The following DNAJC24 variants were observed in gnomAD, a reference collection of about 807,000 sequenced individuals.
DNAJC24 encodes the protein DnaJ heat shock protein family (Hsp40) member C24, also known as dnaJ homolog subfamily C member 24.
A neutral mutation model predicts 18.0 loss-of-function variants in DNAJC24; 17 were observed. That is an observed-to-expected ratio of 0.94 (90% CI 0.65 to 1.42). The LOEUF (loss-of-function observed/expected upper bound fraction) is 1.42. DNAJC24 is among the 40% of genes most tolerant of loss of function. The pLI is 0.00. For missense variants in DNAJC24, 158 were observed against 175.6 expected (o/e 0.90, Z 0.57); for synonymous variants, 55 against 57.7 (o/e 0.95, Z 0.21).
chr11:31,393,619 G>A (rs1362572061), intron 2 of DNAJC24, among the ~76,000 whole-genome samples: 1 of 152,104 alleles, frequency 6.6e-6, no homozygotes. Context: ...TTCAGAGGAT[G>A]CAGCGTGCAT....
chr11:31,390,494 T>C (rs1268087516), intron 2 of DNAJC24, among the ~76,000 whole-genome samples: 2 of 147,540 alleles, frequency 1.4e-5, no homozygotes, highest in Non-Finnish European at 3.0e-5. Context: ...GATCACAAGG[T>C]CAAGAGATCG....
At chr11:31,370,969 G>A in intron 2 of DNAJC24, 110 bp downstream of exon 2, 1 of 623,560 alleles carries the variant, frequency 1.6e-6, no homozygotes, top group South Asian at 2.2e-5. Flanking sequence ...AGGAATCCAG[G>A]TATTAATTTG....
chr11:31,402,210 AAC>A (rs1952607000), intron 2 of DNAJC24, among the ~76,000 whole-genome samples: 1 of 152,184 alleles, frequency 6.6e-6, no homozygotes, highest in Non-Finnish European at 1.5e-5. Context: ...AGGCAGTTGT[AAC>A]ACAGTGGTAT....
chr11:31,377,320 T>C (rs577296991), intron 2 of DNAJC24, among the ~76,000 whole-genome samples: 1 of 152,202 alleles, frequency 6.6e-6, no homozygotes, highest in African/African-American at 2.4e-5. Flanking sequence ...CTCAGGGTCC[T>C]GATTCTGAAA....
chr11:31,408,901 A>G (rs1020594266), intron 2 of DNAJC24, among the ~76,000 whole-genome samples: 6 of 152,208 alleles, frequency 3.9e-5, no homozygotes, highest in African/African-American at 1.4e-4. Flanking sequence ...ATGTCTTTGT[A>G]TAATAAAGAA....
intron 2 of DNAJC24, among the ~76,000 whole-genome samples, chr11:31,405,402 G>A (rs552028865): frequency 1.3e-5 from 2 of 148,636 alleles, no homozygotes; most frequent in East Asian, 2.0e-4. Context: ...TTAAGGATTC[G>A]GCCTTGACCA....
intron 2 of DNAJC24, among the ~76,000 whole-genome samples, chr11:31,387,226 A>G (rs1339637250): frequency 1.3e-5 from 2 of 152,186 alleles, no homozygotes; most frequent in African/African-American, 2.4e-5. Flanking sequence ...CCTGCTAATT[A>G]TAGAGCACTG....
chr11:31,407,903 C>A (rs186137283), intron 2 of DNAJC24, among the ~76,000 whole-genome samples: 3 of 150,550 alleles, frequency 2.0e-5, no homozygotes, highest in Admixed American at 2.0e-4. Flanking sequence ...AATTATGCCC[C>A]TCTCTTAAAA....
intron 2 of DNAJC24, among the ~76,000 whole-genome samples, chr11:31,407,706 A>AAT (rs869293205): frequency 0.026 from 1,602 of 61,696 alleles, 5 homozygotes; most frequent in Middle Eastern, 0.039. Flanking sequence ...AAAAAAAAAA[A>AAT]ATATATATAT....
intron 2 of DNAJC24, chr11:31,384,999 G>A (rs528678463): frequency 6.6e-6 from 1 of 152,186 alleles, no homozygotes; most frequent in South Asian, 2.1e-4. Flanking sequence ...GAAAAAAAGA[G>A]TTTTTAAAAA....
Position 31,370,855 on chromosome 11 carries a change from T to G in DNAJC24, c.107T>G (p.Leu36Ter). 6.4e-7 allele frequency: 1 copy of G among 1,571,262 alleles called. No homozygotes were observed. Among genetic ancestry groups the G allele is most frequent in the Non-Finnish European group, 8.7e-7 (1 of 1,147,548 alleles). ...AAACAAAAATATCAAAAACTCATAT[T>G]AATGGTAAGTCTTTTCTTTCAGATT... ...DLKQKYQKLI[L>*]MYHPDKQSTD... The change falls in exon 2 of 5, where the codon TTA becomes TGA. Residue 36 changes from leucine to a stop codon, truncating the protein, a stop_gained. Transcript: ENST00000465995. LOFTEE classifies it high-confidence loss of function.
At chr11:31,417,451 G>A (rs1952760648) in intron 3 of DNAJC24, 1 of 152,046 alleles carries the variant, frequency 6.6e-6, no homozygotes, top group African/African-American at 2.4e-5. Flanking sequence ...ATTTAGGTTT[G>A]CTAGAAGGAA....
intron 4 of DNAJC24, chr11:31,426,771 A>G (rs565107002): frequency 5.3e-4 from 81 of 151,832 alleles, no homozygotes; most frequent in South Asian, 4.0e-3. Flanking sequence ...TTTATATAAA[A>G]TCATAAACTG....
chr11:31,370,367 T>C (rs1348193397), intron 1 of DNAJC24, among the ~76,000 whole-genome samples: 1 of 152,174 alleles, frequency 6.6e-6, no homozygotes, highest in Non-Finnish European at 1.5e-5. Context: ...TCCTCCAGCG[T>C]GTTTAGTGGG....
chr11:31,418,885 C>CA (rs1952777207), intron 3 of DNAJC24, among the ~76,000 whole-genome samples: 1 of 151,980 alleles, frequency 6.6e-6, no homozygotes, highest in Non-Finnish European at 1.5e-5. Flanking sequence ...TAAATGGAAG[C>CA]AGATAAATGG....
chr11:31,432,683 C>A lies in DNAJC24; in HGVS notation c.*2282C>A. 1 of 687,252 alleles carries A rather than the reference C, an allele frequency of 1.5e-6. No individual in the cohort carries two copies. Among genetic ancestry groups the A allele is most frequent in the Non-Finnish European group, 2.6e-6 (1 of 385,164 alleles). The allele number at this position is 687,252 out of a possible 1,614,324, so 42.6% of individuals were successfully genotyped here. A position where few individuals can be genotyped will look rare whatever the true frequency, so the allele number is the denominator to read the frequency against. ...ATGCCAGATAAACACTTTCTCCTTA[C>A]TCATCAATCAAGAATAAAATTTTCT... On this transcript the variant is annotated 3_prime_UTR_variant, in exon 5 of 5. Transcript: ENST00000465995.
At position 31,372,719 on chromosome 11, in the gene DNAJC24, A is replaced by G. The variant is rs1161454674; in HGVS notation, c.111+1860A>G. Reference sequence around the variant, plus strand: ...TGTATCAGAGAATTCTGGTTGCTCTACAGCTTTGCCAATATTTGATGTTAT... The same window carrying G: ...TGTATCAGAGAATTCTGGTTGCTCTGCAGCTTTGCCAATATTTGATGTTAT... On this transcript the variant is annotated intron_variant, in intron 2 of 4. Transcript: ENST00000465995. 2.2e-5 allele frequency among the ~76,000 whole-genome samples: 3 copies of G among 135,978 alleles called. 1 individual carries two copies. The highest frequency in any genetic ancestry group is 5.1e-5 in the Non-Finnish European group (3 of 58,726). 89.2% of individuals were successfully genotyped at this position (135,978 alleles called of 152,430 possible).
chr11:31,420,495 A>T (rs1385559380), intron 3 of DNAJC24, among the ~76,000 whole-genome samples: 1 of 152,066 alleles, frequency 6.6e-6, no homozygotes, highest in Non-Finnish European at 1.5e-5. Context: ...GTGGTACTTG[A>T]GGTATTTTTC....
intron 2 of DNAJC24, among the ~76,000 whole-genome samples, chr11:31,410,009 G>A (rs1952692329): frequency 6.6e-6 from 1 of 151,118 alleles, no homozygotes; most frequent in East Asian, 2.0e-4. Context: ...CTCGCCTCCT[G>A]GGTAGCTGGG....
Sources: gnomAD v4.1 joint callset for allele counts (sites outside exome capture counted in the v4.1 genomes callset) on GRCh38, gnomAD v4.1.1 for gene constraint, MANE v1.5 for transcripts, NCBI Gene and HGNC (gene_info 2026-07-23, HGNC 2026-07-21) for gene names.